Variants in EZR observed in about 807,000 individuals in gnomAD.
EZR encodes the protein cytovillin 2.
EZR carries 40 observed loss-of-function variants against 74.8 expected under a neutral mutation model. The observed-to-expected ratio is 0.53, with a 90% CI of 0.42 to 0.70. EZR has a LOEUF of 0.70. Among genes scored for constraint, EZR ranks in the 30% least tolerant of loss-of-function variants. EZR has a pLI of 0.00. For missense variants in EZR, 678 were observed against 755.8 expected, an observed-to-expected ratio of 0.90 and a Z score of 1.21; for synonymous variants, 341 against 283.3, an observed-to-expected ratio of 1.20 and a Z score of -2.05.
chr6:158,780,068 G>C (rs958955694), intron 7 of EZR, among the ~76,000 whole-genome samples: 8 of 151,680 alleles, frequency 5.3e-5, no homozygotes, highest in Non-Finnish European at 1.0e-4. Context: ...CTGTAATCCT[G>C]GCTACTCGGG....
chr6:158,802,160 AC>A (rs1392532471), intron 2 of EZR, among the ~76,000 whole-genome samples: 2 of 152,188 alleles, frequency 1.3e-5, no homozygotes, highest in African/African-American at 2.4e-5. Context: ...ATTGGTTAGT[AC>A]CTGCCCAGGT....
intron 2 of EZR, among the ~76,000 whole-genome samples, chr6:158,797,557 C>T (rs1033546649): frequency 2.6e-5 from 4 of 152,132 alleles, no homozygotes; most frequent in African/African-American, 9.7e-5. Context: ...AACATTCCAG[C>T]CTTCTTCCGA....
chr6:158,800,077 GA>G (rs1323181306), intron 2 of EZR, among the ~76,000 whole-genome samples: 1 of 152,162 alleles, frequency 6.6e-6, no homozygotes, highest in African/African-American at 2.4e-5. Context: ...GGGCAGTCCA[GA>G]AACCACCCTG....
At chr6:158,791,664 A>T (rs1791749589) in intron 2 of EZR, among the ~76,000 whole-genome samples, 1 of 151,108 alleles carries the variant, frequency 6.6e-6, no homozygotes, top group Non-Finnish European at 1.5e-5. Flanking sequence ...GTTAGGACAA[A>T]GACAAATGAC....
intron 8 of EZR, among the ~76,000 whole-genome samples, chr6:158,774,711 A>ACACACG (rs1554272024): frequency 4.7e-5 from 7 of 149,698 alleles, no homozygotes; most frequent in African/African-American, 1.7e-4. Flanking sequence ...ACACACACAC[A>ACACACG]CACGCACAAA....
At chr6:158,771,697 A>G (rs2128566454) in intron 8 of EZR, among the ~76,000 whole-genome samples, 1 of 152,206 alleles carries the variant, frequency 6.6e-6, no homozygotes, top group East Asian at 1.9e-4. Context: ...GTGGGTAGGG[A>G]CATCCTGCAT....
intron 2 of EZR, among the ~76,000 whole-genome samples, chr6:158,803,527 TTATATATATATATATATGTATATA>T (rs1562504147): frequency 0.017 from 345 of 20,404 alleles, 7 homozygotes; most frequent in African/African-American, 0.026. Context: ...TTATGTAACA[TTATATATATATATATATGTATATA>T]TATATATATA....
chr6:158,818,001 T>G, intron 2 of EZR, 81 bp downstream of exon 2: 1 of 1,423,536 alleles, frequency 7.0e-7, no homozygotes. Flanking sequence ...CCCCAGGAAC[T>G]GCCCCAACAC....
At chr6:158,817,818 T>C (rs1777591503) in intron 2 of EZR, among the ~76,000 whole-genome samples, 1 of 152,112 alleles carries the variant, frequency 6.6e-6, no homozygotes, top group African/African-American at 2.4e-5. Flanking sequence ...AGGCCTCTAG[T>C]TTTTAGAAAA....
At chr6:158,818,778 C>T (rs922152296) in intron 1 of EZR, among the ~76,000 whole-genome samples, 3 of 149,354 alleles carry the variant, frequency 2.0e-5, no homozygotes, top group African/African-American at 7.4e-5. Context: ...AGGAAGGAGT[C>T]CCGGGACAGC....
intron 2 of EZR, among the ~76,000 whole-genome samples, chr6:158,796,876 G>T (rs1246844817): frequency 1.3e-5 from 2 of 152,152 alleles, no homozygotes; most frequent in African/African-American, 4.8e-5. Flanking sequence ...GGGAAAACAT[G>T]ATTTCTGAGT....
At chr6:158,803,570 T>TAAAAA (rs1562504438) in intron 2 of EZR, among the ~76,000 whole-genome samples, 2 of 7,860 alleles carry the variant, frequency 2.5e-4, no homozygotes, top group Admixed American at 1.0e-3. Flanking sequence ...TATATATATA[T>TAAAAA]ATATATATAT....
intron 2 of EZR, among the ~76,000 whole-genome samples, chr6:158,815,478 G>C (rs953503891): frequency 3.9e-5 from 6 of 152,158 alleles, no homozygotes; most frequent in Admixed American, 3.9e-4. Flanking sequence ...CTCAAAAAAG[G>C]GGTTTTGTTT....
At chr6:158,787,675 G>A (rs921020168) in intron 3 of EZR, among the ~76,000 whole-genome samples, 1 of 152,158 alleles carries the variant, frequency 6.6e-6, no homozygotes, top group African/African-American at 2.4e-5. Context: ...CTGCCTCTCA[G>A]CCAGCTGGCC....
Position 158,774,711 on chromosome 6 carries a change from A to ATG in EZR, c.795+1696_795+1697insCA, listed in dbSNP as rs1583559695. On this transcript the variant is annotated intron_variant, in intron 8 of 13. Transcript: ENST00000367075. ...CACACACACACACACACACACACAC[A>ATG]CACGCACAAACATTCTGAAACAGTC... Among the ~76,000 whole-genome samples the ATG allele has an allele frequency of 8.7e-5, 13 of 149,700 alleles. No individual in the cohort carries two copies. The East Asian group carries it at 2.3e-3, about 27-fold the overall frequency.
chr6:158,767,335 T>G lies in EZR; in HGVS notation c.1522A>C (p.Ile508Leu). 6.2e-7 allele frequency: 1 copy of G among 1,614,120 alleles called. No homozygotes were observed. The highest frequency in any genetic ancestry group is 8.5e-7 in the Non-Finnish European group (1 of 1,179,996). The change falls in exon 13 of 14, where the codon ATC becomes CTC. Residue 508 changes from isoleucine to leucine, a missense_variant. Coordinates refer to ENST00000367075, the MANE Select transcript of EZR (RefSeq NM_001111077.2). Reference sequence around the variant, plus strand: ...TTCTCCTCATTGCGGTCATCCCGGATGCCCTCACTAGACAGCTCCGCGCTG... The same window carrying G: ...TTCTCCTCATTGCGGTCATCCCGGAGGCCCTCACTAGACAGCTCCGCGCTG... ...GYSAELSSEG[I>L]RDDRNEEKRI...
chr6:158,794,706 AG>A (rs1777032286), intron 2 of EZR, among the ~76,000 whole-genome samples: 1 of 152,142 alleles, frequency 6.6e-6, no homozygotes, highest in Non-Finnish European at 1.5e-5. Flanking sequence ...CGTGTAGTAC[AG>A]GTGTGTGTAT....
chr6:158,804,026 G>A lies in EZR; in HGVS notation c.12+14056C>T, dbSNP rs1777275194. Among the ~76,000 whole-genome samples, 4 of 152,154 alleles carry A rather than the reference G, an allele frequency of 2.6e-5. No individual in the cohort carries two copies. In the South Asian group the frequency reaches 8.3e-4, roughly 32 times the overall value. On this transcript the variant is annotated intron_variant, in intron 2 of 13. Coordinates refer to ENST00000367075, the MANE Select transcript of EZR (RefSeq NM_001111077.2). ...GAAAGGAGCTGCTTTCCATAGGTCTGACAATGAAATGACTGCTAGTCATGC... is the reference window on the plus strand; with the variant it reads ...GAAAGGAGCTGCTTTCCATAGGTCTAACAATGAAATGACTGCTAGTCATGC...
At chr6:158,783,474 G>A (rs1232728302) in intron 7 of EZR, 46 bp downstream of exon 7, 4 of 1,550,372 alleles carry the variant, frequency 2.6e-6, no homozygotes, top group African/African-American at 1.4e-5. Flanking sequence ...ATTGTTTCCA[G>A]GCCCACCACC....
Sources: gnomAD v4.1 joint callset for allele counts (sites outside exome capture counted in the v4.1 genomes callset) on GRCh38, gnomAD v4.1.1 for gene constraint, MANE v1.5 for transcripts, NCBI Gene and HGNC (gene_info 2026-07-23, HGNC 2026-07-21) for gene names.